Variants in CEP70 observed in about 807,000 individuals in gnomAD.
CEP70 encodes centrosomal protein of 70 kDa.
A neutral mutation model predicts 90.9 loss-of-function variants in CEP70; 70 were observed. The ratio of observed to expected loss-of-function variants is 0.77; its 90% CI spans 0.64 to 0.94. The LOEUF (loss-of-function observed/expected upper bound fraction) is 0.94. CEP70 is among the 40% of genes least tolerant of loss of function. The pLI is 0.00. For synonymous variants in CEP70, 220 were observed against 228.3 expected, an observed-to-expected ratio of 0.96 and a Z score of 0.33; for missense variants, 648 against 669.0, an observed-to-expected ratio of 0.97 and a Z score of 0.35.
chr3:138,581,655 A>G (rs1029191143), intron 2 of CEP70, among the ~76,000 whole-genome samples: 1 of 146,932 alleles, frequency 6.8e-6, no homozygotes, highest in Admixed American at 7.0e-5. Context: ...GTGACCCGAG[A>G]TCGCACCTGA....
intron 6 of CEP70, among the ~76,000 whole-genome samples, chr3:138,543,496 G>A (rs1484953174): frequency 6.6e-6 from 1 of 152,218 alleles, no homozygotes; most frequent in African/African-American, 2.4e-5. Context: ...AAGCCTGAGG[G>A]GGCAGGGGGC....
At chr3:138,517,759 C>T (rs369835240) in intron 11 of CEP70, among the ~76,000 whole-genome samples, 10 of 152,342 alleles carry the variant, frequency 6.6e-5, no homozygotes, top group Admixed American at 2.0e-4. Flanking sequence ...GCATGAGCAA[C>T]GCAGAAGACG....
At chr3:138,510,251 T>TAA (rs60383710) in intron 11 of CEP70, among the ~76,000 whole-genome samples, 24 of 136,440 alleles carry the variant, frequency 1.8e-4, no homozygotes, top group South Asian at 2.4e-4. Context: ...CCCTGTCTAC[T>TAA]AAAAAAAAAA....
rs375571497 is a variant in CEP70, at chr3:138,505,280, T to C, written c.1221+15A>G. The C allele has an allele frequency of 1.9e-6, 3 of 1,580,752 alleles. No individual in the cohort carries two copies. Among genetic ancestry groups the C allele is most frequent in the Admixed American group, 1.8e-5 (1 of 55,466 alleles). On this transcript the variant is annotated intron_variant, in intron 13 of 17. Transcript: ENST00000264982. ...AATAGATGTTCAAAGCATATAATCATAGTCAACCCCTTACCTTTAAGGATG... is the reference window on the plus strand; with the variant it reads ...AATAGATGTTCAAAGCATATAATCACAGTCAACCCCTTACCTTTAAGGATG...
At position 138,500,856 on chromosome 3, in the gene CEP70, A is replaced by G. The variant is rs1273143998; in HGVS notation, c.1247T>C (p.Leu416Pro). Residue 416 changes from leucine (L) to proline (P), a missense_variant, in exon 14 of 18, where the codon CTA (leucine) becomes CCA (proline). By Grantham distance (98) the Leu-to-Pro change is moderately conservative (BLOSUM62 -3). Transcript: ENST00000264982. Reference protein sequence around the residue: ...LKDLYKSLKTLSAELVPWLNL... With the variant: ...LKDLYKSLKTPSAELVPWLNL... ...AAGCCAAGGTACCAGTTCTGCAGAT[A>G]GTGTTTTCAAGGACTTATACAAATC... is the stretch of plus-strand genomic sequence containing the variant. 6.3e-7 allele frequency: 1 copy of G among 1,587,382 alleles called. No individual in the cohort carries two copies. The highest frequency in any genetic ancestry group is 8.6e-7 in the Non-Finnish European group (1 of 1,165,436).
intron 13 of CEP70, among the ~76,000 whole-genome samples, chr3:138,502,034 A>G (rs2034559482): frequency 6.6e-6 from 1 of 152,196 alleles, no homozygotes; most frequent in Non-Finnish European, 1.5e-5. Flanking sequence ...GTCCTTTAGA[A>G]CAACGCTGTC....
At chr3:138,495,295 C>G (rs2033884299) in intron 17 of CEP70, among the ~76,000 whole-genome samples, 1 of 152,200 alleles carries the variant, frequency 6.6e-6, no homozygotes, top group Non-Finnish European at 1.5e-5. Flanking sequence ...TTACCACATA[C>G]CCACAAGTAC....
rs2034413587 is a variant in CEP70 at position 138,500,584 on chromosome 3, T to C, written c.1369-17A>G. 6.4e-7 allele frequency: 1 copy of C among 1,566,618 alleles called. No individual in the cohort carries two copies. Among genetic ancestry groups the C allele is most frequent in the African/African-American group, 1.4e-5 (1 of 71,044 alleles). Reference sequence around the variant, plus strand: ...ATTGCTGTCCTGTCCAAAAAAGAGGTAAAAAAGAAAGAGTTCATTATCTTA... The same window carrying C: ...ATTGCTGTCCTGTCCAAAAAAGAGGCAAAAAAGAAAGAGTTCATTATCTTA... On this transcript the variant is annotated splice_polypyrimidine_tract_variant and intron_variant, in intron 14 of 17. Transcript: ENST00000264982.
At chr3:138,545,332 A>AAT (rs1229237456) in intron 6 of CEP70, among the ~76,000 whole-genome samples, 1 of 152,154 alleles carries the variant, frequency 6.6e-6, no homozygotes, top group Non-Finnish European at 1.5e-5. Flanking sequence ...TCTGAACATA[A>AAT]ATTGTGAAGA....
intron 11 of CEP70, among the ~76,000 whole-genome samples, chr3:138,519,332 T>A (rs533603156): frequency 6.6e-6 from 1 of 152,032 alleles, no homozygotes; most frequent in Admixed American, 6.6e-5. Flanking sequence ...ATACAGAGAA[T>A]GCCACAAAGA....
intron 11 of CEP70, among the ~76,000 whole-genome samples, chr3:138,518,523 C>A (rs758866193): frequency 6.6e-6 from 1 of 152,160 alleles, no homozygotes; most frequent in Non-Finnish European, 1.5e-5. Context: ...TTGCTGTGCA[C>A]CAATATCCGC....
chr3:138,523,550 C>A (rs1378444667), intron 11 of CEP70, among the ~76,000 whole-genome samples: 1 of 152,020 alleles, frequency 6.6e-6, no homozygotes, highest in Non-Finnish European at 1.5e-5. Context: ...AATCAATGTG[C>A]AAAAATCACA....
At chr3:138,575,861 A>C (rs952715992) in intron 2 of CEP70, among the ~76,000 whole-genome samples, 1 of 152,174 alleles carries the variant, frequency 6.6e-6, no homozygotes, top group Non-Finnish European at 1.5e-5. Context: ...AAGCTTCATA[A>C]ATGAAGGAGA....
At chr3:138,533,537 C>T (rs1276408015) in intron 7 of CEP70, among the ~76,000 whole-genome samples, 1 of 151,950 alleles carries the variant, frequency 6.6e-6, no homozygotes, top group East Asian at 1.9e-4. Flanking sequence ...GCAATGTTGC[C>T]ATATTGACTA....
chr3:138,503,165 C>T (rs1041159440), intron 13 of CEP70, among the ~76,000 whole-genome samples: 2 of 152,112 alleles, frequency 1.3e-5, no homozygotes, highest in African/African-American at 2.4e-5. Flanking sequence ...AAACTTTATA[C>T]CCATTAAACA....
In CEP70 at chr3:138,571,273, A is replaced by G. The variant is rs1206339187; in HGVS notation, c.153T>C (p.Asp51=). 2 of 1,605,782 alleles carry G rather than the reference A, an allele frequency of 1.2e-6. No homozygotes were observed. Among genetic ancestry groups the G allele is most frequent in the Non-Finnish European group, 1.7e-6 (2 of 1,175,406 alleles). ...LKPLSLVKRT[D]LKDLIIFDKQ... Reference sequence around the variant, plus strand: ...AGAATAGGATCTAATTACCTTTGAGATCTGTTCTTTTGACTAGAGACAAAG... The same window carrying G: ...AGAATAGGATCTAATTACCTTTGAGGTCTGTTCTTTTGACTAGAGACAAAG... The change falls in exon 4 of 18, where the codon GAT becomes GAC. Residue 51 remains aspartate, a synonymous_variant. Transcript: ENST00000264982.
chr3:138,576,740 A>T (rs970774605), intron 2 of CEP70, among the ~76,000 whole-genome samples: 1 of 152,240 alleles, frequency 6.6e-6, no homozygotes, highest in Non-Finnish European at 1.5e-5. Flanking sequence ...AACAGAAATC[A>T]CAACAAACTG....
chr3:138,551,154 G>T (rs925512681), intron 6 of CEP70, among the ~76,000 whole-genome samples: 1 of 152,216 alleles, frequency 6.6e-6, no homozygotes, highest in African/African-American at 2.4e-5. Flanking sequence ...AAACCTATAA[G>T]ATTAACAGCA....
intron 6 of CEP70, among the ~76,000 whole-genome samples, chr3:138,556,973 G>A (rs538459219): frequency 7.2e-5 from 11 of 152,200 alleles, no homozygotes; most frequent in African/African-American, 2.2e-4. Flanking sequence ...TTTATTTGGC[G>A]GGAATTTCCT....
Sources: allele counts gnomAD v4.1 joint callset (sites outside exome capture counted in the v4.1 genomes callset), GRCh38; gene constraint gnomAD v4.1.1; transcripts MANE v1.5; gene names NCBI Gene and HGNC (gene_info 2026-07-23, HGNC 2026-07-21).